ATP5MC3: variants seen among roughly 807,000 people sequenced by gnomAD.
ATP5MC3 encodes the protein ATP synthase membrane subunit c locus 3.
Under a neutral mutation model 15.6 loss-of-function variants are expected in ATP5MC3, and 6 were observed. The observed-to-expected ratio is 0.38, with a 90% CI of 0.21 to 0.76. The LOEUF (loss-of-function observed/expected upper bound fraction) is 0.76, where lower values mean the gene tolerates loss of function less well. Ranked by LOEUF, ATP5MC3 falls within the 30% of genes least tolerant of loss-of-function variation. The pLI is 0.44. For synonymous variants in ATP5MC3, 66 were observed against 63.3 expected (o/e 1.04, Z -0.20); for missense variants, 132 against 171.2 (o/e 0.77, Z 1.28).
chr2:175,179,925 C>G, intron 3 of ATP5MC3, 173 bp downstream of exon 3: 2 of 539,332 alleles, frequency 3.7e-6, no homozygotes, highest in Non-Finnish European at 6.3e-6. Context: ...CTCTATTCGT[C>G]TCATCTAGTT....
rs1479957116 is a variant in ATP5MC3, at chr2:175,177,106, T to C, written c.*1182A>G. ...ATATAACTTAGTGACTCTCAAACAG[T>C]ATGCACAAAAACCACCTGGGAAGCC... is the stretch of plus-strand genomic sequence containing the variant. On this transcript the variant is annotated 3_prime_UTR_variant, in exon 5 of 5. Coordinates refer to ENST00000284727, the MANE Select transcript of ATP5MC3 (RefSeq NM_001689.5). 1 of 152,134 alleles carries C rather than the reference T, an allele frequency of 6.6e-6. No individual in the cohort carries two copies. The highest frequency in any genetic ancestry group is 1.5e-5 in the Non-Finnish European group (1 of 68,022). 9.4% of individuals were successfully genotyped at this position (152,134 alleles called of 1,614,324 possible). A position where few individuals can be genotyped will look rare whatever the true frequency, so the allele number is the denominator to read the frequency against.
At chr2:175,180,861 C>T (rs1199583980) in intron 2 of ATP5MC3, among the ~76,000 whole-genome samples, 1 of 152,164 alleles carries the variant, frequency 6.6e-6, no homozygotes, top group African/African-American at 2.4e-5. Flanking sequence ...ACTCCAGAGG[C>T]AGGAAGAAAG....
intron 2 of ATP5MC3, among the ~76,000 whole-genome samples, chr2:175,180,494 C>T (rs1700753703): frequency 6.6e-6 from 1 of 152,174 alleles, no homozygotes; most frequent in African/African-American, 2.4e-5. Flanking sequence ...AAATACCACA[C>T]GTTCTTTGGC....
chr2:175,178,893 C>T (rs1700726678), intron 4 of ATP5MC3, 164 bp downstream of exon 4: 1 of 1,218,650 alleles, frequency 8.2e-7, no homozygotes, highest in Non-Finnish European at 1.1e-6. Flanking sequence ...CATAACACCC[C>T]AAATGGTGTT....
At chr2:175,181,292 C>A in intron 2 of ATP5MC3, 63 bp downstream of exon 2, 3 of 1,573,144 alleles carry the variant, frequency 1.9e-6, no homozygotes, top group Non-Finnish European at 1.7e-6. Flanking sequence ...CATTCAACAA[C>A]GTGGACGCTC....
In ATP5MC3 at chr2:175,178,091, C is replaced by A; in HGVS notation, c.*197G>T. 1 of 1,093,254 alleles carries A rather than the reference C, an allele frequency of 9.1e-7. No homozygotes were observed. Among genetic ancestry groups the A allele is most frequent in the Non-Finnish European group, 1.2e-6 (1 of 825,866 alleles). 67.7% of individuals were successfully genotyped at this position (1,093,254 alleles called of 1,614,324 possible). A position where few individuals can be genotyped will look rare whatever the true frequency, so the allele number is the denominator to read the frequency against. On this transcript the variant is annotated 3_prime_UTR_variant, in exon 5 of 5. Transcript: ENST00000284727. Reference sequence around the variant, plus strand: ...ATGGGACAGCATCTGCCTGAATGCACGTTCTTCTTTGTGATAATCTAAACT... The same window carrying A: ...ATGGGACAGCATCTGCCTGAATGCAAGTTCTTCTTTGTGATAATCTAAACT...
At chr2:175,179,923 G>T in intron 3 of ATP5MC3, 175 bp downstream of exon 3, 2 of 528,736 alleles carry the variant, frequency 3.8e-6, no homozygotes, top group Non-Finnish European at 3.2e-6. Flanking sequence ...TTCTCTATTC[G>T]TCTCATCTAG....
intron 4 of ATP5MC3, 142 bp downstream of exon 4, chr2:175,178,915 G>T: frequency 7.6e-7 from 1 of 1,313,952 alleles, no homozygotes; most frequent in Non-Finnish European, 1.0e-6. Flanking sequence ...TGAGAATTAA[G>T]TGAGATAATG....
In ATP5MC3 at chr2:175,177,715, G is replaced by C. The variant is rs1053536337; in HGVS notation, c.*573C>G. ...AGAGGCACACAATTGCTTAATGTGA[G>C]ACTTACTGAAAAACAAAAGTCACAT... On this transcript the variant is annotated 3_prime_UTR_variant, in exon 5 of 5. Coordinates refer to ENST00000284727, the MANE Select transcript of ATP5MC3 (RefSeq NM_001689.5). The C allele has an allele frequency of 6.6e-6, 1 of 152,164 alleles. No homozygotes were observed. The highest frequency in any genetic ancestry group is 2.4e-5 in the African/African-American group (1 of 41,442). The allele number at this position is 152,164 out of a possible 1,614,324, so 9.4% of individuals were successfully genotyped here. A position where few individuals can be genotyped will look rare whatever the true frequency, so the allele number is the denominator to read the frequency against.
At chr2:175,178,589 C>A in intron 4 of ATP5MC3, 187 bp from the exon 5 acceptor site, 1 of 1,318,256 alleles carries the variant, frequency 7.6e-7, no homozygotes, top group Non-Finnish European at 9.7e-7. Flanking sequence ...AGGTAGGGAG[C>A]TGTCTGTCAA....
rs559134587 is a variant in ATP5MC3, at chr2:175,181,682, G to A, written c.-100C>T. The A allele has an allele frequency of 3.0e-4, 142 of 477,756 alleles. No individual in the cohort carries two copies. Among genetic ancestry groups the A allele is most frequent in the Admixed American group, 6.0e-4 (15 of 24,870 alleles). 29.6% of individuals were successfully genotyped at this position (477,756 alleles called of 1,614,324 possible). A position where few individuals can be genotyped will look rare whatever the true frequency, so the allele number is the denominator to read the frequency against. On this transcript the variant is annotated 5_prime_UTR_variant, in exon 1 of 5. Transcript: ENST00000284727. Reference sequence around the variant, plus strand: ...TTCCCAGGAGGCGGCGGCGGCACGGGCTGCGGCAGAGGTCGAAGGAGTGGG... The same window carrying A: ...TTCCCAGGAGGCGGCGGCGGCACGGACTGCGGCAGAGGTCGAAGGAGTGGG...
At chr2:175,179,511 A>G in intron 3 of ATP5MC3, 1 of 408,446 alleles carries the variant, frequency 2.4e-6, no homozygotes, top group Non-Finnish European at 4.2e-6. Flanking sequence ...GTTTTTTCTT[A>G]AAAGAGACAA....
intron 3 of ATP5MC3, 28 bp from the exon 4 acceptor site, chr2:175,179,278 T>C (rs770472109): frequency 2.5e-6 from 4 of 1,576,414 alleles, no homozygotes; most frequent in Non-Finnish European, 3.5e-6. Flanking sequence ...AAGGTAAAGG[T>C]CGTATCAGTA....
chr2:175,178,206 C>G lies in ATP5MC3; in HGVS notation c.*82G>C, dbSNP rs532045372. The G allele has an allele frequency of 1.1e-5, 17 of 1,530,546 alleles. No homozygotes were observed. Among genetic ancestry groups the G allele is most frequent in the Non-Finnish European group, 1.5e-5 (17 of 1,145,200 alleles). The allele number at this position is 1,530,546 out of a possible 1,614,324, so 94.8% of individuals were successfully genotyped here. ...AACGTACATTCCCATGACACCAATA[C>G]TACAGTTTTCGGAGTCACAGTAAGA... On this transcript the variant is annotated 3_prime_UTR_variant, in exon 5 of 5. Transcript: ENST00000284727.
Position 175,181,685 on chromosome 2 carries a change from G to A in ATP5MC3, c.-103C>T, listed in dbSNP as rs1403358866. 18 of 475,568 alleles carry A rather than the reference G, an allele frequency of 3.8e-5. No homozygotes were observed. The highest frequency in any genetic ancestry group is 5.3e-4 in the Middle Eastern group (1 of 1,882). The allele number at this position is 475,568 out of a possible 1,614,324, so 29.5% of individuals were successfully genotyped here. ...CCAGGAGGCGGCGGCGGCACGGGCTGCGGCAGAGGTCGAAGGAGTGGGACT... is the reference window on the plus strand; with the variant it reads ...CCAGGAGGCGGCGGCGGCACGGGCTACGGCAGAGGTCGAAGGAGTGGGACT... On this transcript the variant is annotated 5_prime_UTR_variant, in exon 1 of 5. Coordinates refer to ENST00000284727, the MANE Select transcript of ATP5MC3 (RefSeq NM_001689.5).
intron 4 of ATP5MC3, 186 bp downstream of exon 4, chr2:175,178,871 A>C: frequency 8.8e-7 from 1 of 1,141,810 alleles, no homozygotes; most frequent in Non-Finnish European, 1.2e-6. Flanking sequence ...AGTCCTTCAT[A>C]GATGTTATTC....
In ATP5MC3 at chr2:175,181,363, G is replaced by C. The variant is rs140931538; in HGVS notation, c.31C>G (p.Pro11Ala). The C allele has an allele frequency of 4.1e-4, 664 of 1,613,840 alleles. 11 individuals carry two copies. In the South Asian group the frequency reaches 6.7e-3, roughly 16 times the overall value. The change falls in exon 2 of 5, where the codon CCC becomes GCC. Residue 11 changes from proline to alanine, a missense_variant. Pro to Ala is a conservative substitution (Grantham distance 27, BLOSUM62 -1). Transcript: ENST00000284727. MFACAKLACT[P>A]SLIRAGSRVA... ...CTGCCTGGGCTACGCACCAGAGAGG[G>C]GGTGCAGGCGAGCTTGGCGCAGGCG... is the stretch of plus-strand genomic sequence containing the variant.
chr2:175,178,828 G>T, intron 4 of ATP5MC3: 1 of 1,116,798 alleles, frequency 9.0e-7, no homozygotes, highest in Non-Finnish European at 1.2e-6. Flanking sequence ...TACTAGCTAT[G>T]ACCTGGGCAA....
In ATP5MC3 at chr2:175,181,443, G is replaced by T. The variant is rs762279119; in HGVS notation, c.-50C>A. Reference sequence around the variant, plus strand: ...CTGGAGATATTGGGTGACAGGCGACGTGGGCTCCTCTCCCGCTTCCTCTCT... The same window carrying T: ...CTGGAGATATTGGGTGACAGGCGACTTGGGCTCCTCTCCCGCTTCCTCTCT... On this transcript the variant is annotated 5_prime_UTR_variant, in exon 2 of 5. Transcript: ENST00000284727. 1.9e-6 allele frequency: 3 copies of T among 1,608,092 alleles called. No individual in the cohort carries two copies. Among genetic ancestry groups the T allele is most frequent in the Admixed American group, 3.4e-5 (2 of 59,458 alleles).
Sources: allele counts gnomAD v4.1 joint callset (sites outside exome capture counted in the v4.1 genomes callset), GRCh38; gene constraint gnomAD v4.1.1; transcripts MANE v1.5; gene names NCBI Gene and HGNC (gene_info 2026-07-23, HGNC 2026-07-21).